The following MAGI2 variants were observed in gnomAD, a reference collection of about 807,000 sequenced individuals.
The protein encoded by MAGI2 is membrane associated guanylate kinase, WW and PDZ domain containing 2.
Under a neutral mutation model 133.3 loss-of-function variants are expected in MAGI2, and 35 were observed. The ratio of observed to expected loss-of-function variants is 0.26; its 90% CI spans 0.20 to 0.35. MAGI2 has a LOEUF of 0.35. Among genes scored for constraint, MAGI2 ranks in the 10% least tolerant of loss-of-function variants. MAGI2 has a pLI of 1.00. For missense variants in MAGI2, 1,636 were observed against 1,863.4 expected, an observed-to-expected ratio of 0.88 and a Z score of 2.25; for synonymous variants, 729 against 710.6, an observed-to-expected ratio of 1.03 and a Z score of -0.41.
intron 2 of MAGI2, among the ~76,000 whole-genome samples, chr7:78,793,647 CAT>C (rs963889224): frequency 2.0e-5 from 3 of 152,072 alleles, no homozygotes; most frequent in African/African-American, 7.2e-5. Flanking sequence ...TTAGAAAACT[CAT>C]GTGAGAAAAA....
intron 1 of MAGI2, among the ~76,000 whole-genome samples, chr7:79,092,533 T>C (rs1229950712): frequency 1.3e-5 from 2 of 152,160 alleles, no homozygotes; most frequent in African/African-American, 2.4e-5. Context: ...GACATACCAA[T>C]GCTATTTAGG....
intron 10 of MAGI2, among the ~76,000 whole-genome samples, chr7:78,241,771 A>G (rs546962362): frequency 6.6e-6 from 1 of 151,952 alleles, no homozygotes; most frequent in East Asian, 1.9e-4. Context: ...TGTCTCTACT[A>G]CTAATAAAAA....
At chr7:79,056,310 A>G (rs941138818) in intron 1 of MAGI2, among the ~76,000 whole-genome samples, 1 of 152,124 alleles carries the variant, frequency 6.6e-6, no homozygotes, top group Non-Finnish European at 1.5e-5. Flanking sequence ...AGGCTGCTTC[A>G]AGCTATGATC....
chr7:78,700,640 T>C (rs540510412), intron 2 of MAGI2, among the ~76,000 whole-genome samples: 3 of 152,176 alleles, frequency 2.0e-5, no homozygotes, highest in African/African-American at 7.2e-5. Context: ...CTACCATATA[T>C]ATTGGCAATT....
chr7:79,342,894 G>T (rs372059814), intron 1 of MAGI2, among the ~76,000 whole-genome samples: 1 of 151,938 alleles, frequency 6.6e-6, no homozygotes, highest in South Asian at 2.1e-4. Context: ...CAAGTAGCTG[G>T]GATTACAGGC....
At chr7:78,316,768 A>C (rs1010708840) in intron 9 of MAGI2, among the ~76,000 whole-genome samples, 1 of 152,346 alleles carries the variant, frequency 6.6e-6, no homozygotes, top group Non-Finnish European at 1.5e-5. Context: ...ATAACCCTAG[A>C]GTGAGTAAAT....
intron 1 of MAGI2, among the ~76,000 whole-genome samples, chr7:79,058,162 C>T (rs536274621): frequency 5.3e-5 from 8 of 151,930 alleles, no homozygotes; most frequent in Middle Eastern, 3.4e-3. Flanking sequence ...AGGGAAAATG[C>T]GATGGGATAC....
At chr7:79,177,176 A>G (rs1352795230) in intron 1 of MAGI2, 4 of 152,028 alleles carry the variant, frequency 2.6e-5, no homozygotes, top group Admixed American at 2.6e-4. Context: ...AGGTGTTTCA[A>G]TTAAAGGGAA....
At chr7:78,024,216 C>T (rs74793623) in intron 21 of MAGI2, among the ~76,000 whole-genome samples, 1,603 of 152,272 alleles carry the variant, frequency 0.011, 28 homozygotes, top group East Asian at 0.079. Flanking sequence ...TTGCAGATTC[C>T]TCTTATTTTA....
intron 2 of MAGI2, among the ~76,000 whole-genome samples, chr7:78,829,476 G>T (rs919663301): frequency 3.9e-5 from 6 of 151,910 alleles, no homozygotes; most frequent in African/African-American, 1.4e-4. Flanking sequence ...AAATCAGTAT[G>T]TTTATTGTAT....
At chr7:78,340,410 T>A (rs1790241921) in intron 9 of MAGI2, among the ~76,000 whole-genome samples, 1 of 152,170 alleles carries the variant, frequency 6.6e-6, no homozygotes, top group African/African-American at 2.4e-5. Flanking sequence ...CTTCTGAAAC[T>A]ATTCCAAACA....
At chr7:78,455,197 C>A (rs1789179993) in intron 6 of MAGI2, among the ~76,000 whole-genome samples, 1 of 152,078 alleles carries the variant, frequency 6.6e-6, no homozygotes, top group African/African-American at 2.4e-5. Context: ...GAACTCTCTG[C>A]ACTTTCTGTT....
chr7:78,747,083 C>T (rs62469560), intron 2 of MAGI2, among the ~76,000 whole-genome samples: 14,970 of 152,114 alleles, frequency 0.098, 979 homozygotes, highest in Middle Eastern at 0.16. Context: ...GCCAGGTCAG[C>T]GCCAGGTTGA....
At chr7:78,294,936 A>C (rs1366021640) in intron 9 of MAGI2, among the ~76,000 whole-genome samples, 1 of 151,998 alleles carries the variant, frequency 6.6e-6, no homozygotes, top group Non-Finnish European at 1.5e-5. Flanking sequence ...TTGCTGCATG[A>C]TATGTTACCA....
intron 16 of MAGI2, among the ~76,000 whole-genome samples, chr7:78,135,900 A>G (rs541592061): frequency 6.6e-6 from 1 of 152,294 alleles, no homozygotes; most frequent in East Asian, 1.9e-4. Flanking sequence ...TACATAATGC[A>G]TTTATTCAAA....
intron 20 of MAGI2, among the ~76,000 whole-genome samples, chr7:78,114,217 A>C (rs1423957534): frequency 1.3e-5 from 2 of 152,242 alleles, no homozygotes; most frequent in African/African-American, 4.8e-5. Context: ...GCAAGTCTTC[A>C]GGGCAAGGAA....
Position 78,037,749 on chromosome 7 carries a change from CAG to C in MAGI2, c.3707-17775_3707-17774del, listed in dbSNP as rs550306987. ...AACCCTCCTGTGTCAGCAACCCCTG[CAG>C]AGAGTGTCAGTGCAGCACCCCAGGG... On this transcript the variant is annotated intron_variant, in intron 21 of 21. Coordinates refer to ENST00000354212, the MANE Select transcript of MAGI2 (RefSeq NM_012301.4). Among the ~76,000 whole-genome samples, 100 of 152,322 alleles carry C rather than the reference CAG, an allele frequency of 6.6e-4. 1 individual carries two copies. The South Asian group carries it at 0.017, about 26-fold the overall frequency.
intron 1 of MAGI2, among the ~76,000 whole-genome samples, chr7:79,193,826 C>G (rs556249948): frequency 6.6e-6 from 1 of 151,942 alleles, no homozygotes; most frequent in African/African-American, 2.4e-5. Flanking sequence ...CAGAGTCATT[C>G]TTGGGCGTTG....
chr7:79,367,392 T>C (rs1482191702), intron 1 of MAGI2, among the ~76,000 whole-genome samples: 1 of 152,088 alleles, frequency 6.6e-6, no homozygotes, highest in Non-Finnish European at 1.5e-5. Flanking sequence ...AGTGAGATAG[T>C]TTTAAACAAA....
Sources: allele counts gnomAD v4.1 joint callset (sites outside exome capture counted in the v4.1 genomes callset), GRCh38; gene constraint gnomAD v4.1.1; transcripts MANE v1.5; gene names NCBI Gene and HGNC (gene_info 2026-07-23, HGNC 2026-07-21).